Variants in ESYT2 observed in about 807,000 individuals in gnomAD.
The protein encoded by ESYT2 is extended synaptotagmin 2.
Under a neutral mutation model 107.2 loss-of-function variants are expected in ESYT2, and 54 were observed. The observed-to-expected ratio is 0.50, with a 90% CI of 0.40 to 0.63. The LOEUF (loss-of-function observed/expected upper bound fraction) is 0.63. ESYT2 is among the 30% of genes least tolerant of loss of function. The pLI is 0.00. For missense variants in ESYT2, 1,020 were observed against 1,094.5 expected, an observed-to-expected ratio of 0.93 and a Z score of 0.96; for synonymous variants, 491 against 434.1, an observed-to-expected ratio of 1.13 and a Z score of -1.63.
At chr7:158,807,022 A>AAT (rs911143234) in intron 1 of ESYT2, among the ~76,000 whole-genome samples, 6 of 151,370 alleles carry the variant, frequency 4.0e-5, no homozygotes, top group East Asian at 1.9e-4. Flanking sequence ...AGTTTATTCT[A>AAT]ATATATATAT....
chr7:158,808,433 CA>C (rs1486939761), intron 1 of ESYT2, among the ~76,000 whole-genome samples: 4 of 152,174 alleles, frequency 2.6e-5, no homozygotes, highest in East Asian at 1.9e-4. Flanking sequence ...CTTAATGGCC[CA>C]AAACACACCA....
In ESYT2 at chr7:158,746,912, C is replaced by T. The variant is rs1478833650; in HGVS notation, c.1644+1282G>A. 2.0e-5 allele frequency among the ~76,000 whole-genome samples: 3 copies of T among 152,088 alleles called. No homozygotes were observed. The East Asian group carries it at 5.8e-4, about 29-fold the overall frequency. On this transcript the variant is annotated intron_variant, in intron 16 of 22. Transcript: ENST00000275418. ...ACAAAAAATAAAAAAATTAGCCAGG[C>T]ATGGTGGTGTCTGCCTGTAGTCCCA... is the stretch of plus-strand genomic sequence containing the variant.
chr7:158,803,143 T>G (rs113312099), intron 1 of ESYT2, among the ~76,000 whole-genome samples: 1 of 152,240 alleles, frequency 6.6e-6, no homozygotes, highest in Admixed American at 6.5e-5. Flanking sequence ...CCCACCAGCA[T>G]AGGTGGGGGC....
Position 158,752,779 on chromosome 7 carries a change from AC to A in ESYT2, c.1482+1del. ...CTGTGACCTGAAGGGAAAACAGTTT[AC>A]CTTTAAAGCTCTCTGAACTGCAGTC... On this transcript the variant is annotated splice_donor_variant, in intron 14 of 22. Transcript: ENST00000275418. LOFTEE classifies it high-confidence loss of function. The A allele has an allele frequency of 3.8e-6, 5 of 1,301,950 alleles. No individual in the cohort carries two copies. The highest frequency in any genetic ancestry group is 5.1e-6 in the Non-Finnish European group (5 of 987,518). The allele number at this position is 1,301,950 out of a possible 1,614,324, so 80.6% of individuals were successfully genotyped here.
intron 6 of ESYT2, among the ~76,000 whole-genome samples, chr7:158,787,586 G>A (rs1437799300): frequency 6.6e-6 from 1 of 152,198 alleles, no homozygotes; most frequent in African/African-American, 2.4e-5. Flanking sequence ...CTGTATACAG[G>A]CTCTTATTAA....
At chr7:158,738,346 C>T (rs374851842) in intron 19 of ESYT2, among the ~76,000 whole-genome samples, 9,013 of 28,414 alleles carry the variant, frequency 0.32, 494 homozygotes, top group Non-Finnish European at 0.47. Flanking sequence ...CACACACAGA[C>T]ACACACACAC....
At chr7:158,816,578 T>G (rs757618525) in intron 1 of ESYT2, among the ~76,000 whole-genome samples, 3 of 152,150 alleles carry the variant, frequency 2.0e-5, no homozygotes, top group Non-Finnish European at 4.4e-5. Flanking sequence ...GGAACTGATT[T>G]CCAACTGCTG....
chr7:158,739,801 T>C (rs1257151962), intron 18 of ESYT2, among the ~76,000 whole-genome samples: 1 of 151,346 alleles, frequency 6.6e-6, no homozygotes, highest in Non-Finnish European at 1.5e-5. Flanking sequence ...TACCCCCCCC[T>C]TCGCAGTTCA....
intron 7 of ESYT2, among the ~76,000 whole-genome samples, chr7:158,769,307 A>G (rs1838271918): frequency 6.6e-6 from 1 of 152,244 alleles, no homozygotes; most frequent in African/African-American, 2.4e-5. Context: ...GGAGGGCTTC[A>G]GCCAGCAGAC....
intron 1 of ESYT2, among the ~76,000 whole-genome samples, chr7:158,828,793 G>C (rs1056111547): frequency 6.6e-6 from 1 of 151,702 alleles, no homozygotes; most frequent in African/African-American, 2.4e-5. Context: ...CTAGCGGGCA[G>C]GTCGCCAGCA....
chr7:158,748,467 G>T (rs1314442374), intron 15 of ESYT2, among the ~76,000 whole-genome samples, 187 bp from the exon 16 acceptor site: 1 of 152,212 alleles, frequency 6.6e-6, no homozygotes, highest in Admixed American at 6.5e-5. Flanking sequence ...ATGTATTGAT[G>T]GTGGATGTGT....
At chr7:158,828,473 G>C (rs1427344813) in intron 1 of ESYT2, among the ~76,000 whole-genome samples, 2 of 152,224 alleles carry the variant, frequency 1.3e-5, no homozygotes, top group African/African-American at 4.8e-5. Context: ...AAGAGGGGGC[G>C]CCAAGCCCGG....
chr7:158,810,728 T>C (rs887581608), intron 1 of ESYT2, among the ~76,000 whole-genome samples: 2 of 151,830 alleles, frequency 1.3e-5, no homozygotes, highest in African/African-American at 4.8e-5. Flanking sequence ...TGTTATAATA[T>C]TTCATTTACA....
intron 1 of ESYT2, among the ~76,000 whole-genome samples, chr7:158,810,220 T>C (rs1254523395): frequency 6.6e-6 from 1 of 152,198 alleles, no homozygotes; most frequent in African/African-American, 2.4e-5. Flanking sequence ...CAAAAACCTG[T>C]ACATGAATGC....
chr7:158,793,499 AAAT>A (rs1584858955), intron 4 of ESYT2, 148 bp downstream of exon 4: 1 of 659,358 alleles, frequency 1.5e-6, no homozygotes, highest in East Asian at 2.7e-5. Flanking sequence ...CCCAGAAGGT[AAAT>A]AATATTTGGA....
rs370601555 is a variant in ESYT2 at position 158,761,614 on chromosome 7, T to C, written c.1185-70A>G. The C allele has an allele frequency of 9.9e-5, 138 of 1,389,494 alleles. No homozygotes were observed. In the Middle Eastern group the frequency reaches 1.1e-3, roughly 11 times the overall value. The allele number at this position is 1,389,494 out of a possible 1,614,324, so 86.1% of individuals were successfully genotyped here. A position where few individuals can be genotyped will look rare whatever the true frequency, so the allele number is the denominator to read the frequency against. Reference sequence around the variant, plus strand: ...TTCTTACTGAAACAACTTTAAAACATAGAAAACACATTTCTTCCTGAAACA... The same window carrying C: ...TTCTTACTGAAACAACTTTAAAACACAGAAAACACATTTCTTCCTGAAACA... On this transcript the variant is annotated intron_variant, in intron 10 of 22. Transcript: ENST00000275418.
At chr7:158,818,612 C>G (rs184218392) in intron 1 of ESYT2, among the ~76,000 whole-genome samples, 58 of 152,354 alleles carry the variant, frequency 3.8e-4, no homozygotes, top group Admixed American at 3.1e-3. Context: ...GGGCCTGTGA[C>G]TCAGACGGCT....
rs149851834 is a variant in ESYT2, at chr7:158,821,904, C to T, written c.330+7185G>A. 3.0e-3 allele frequency among the ~76,000 whole-genome samples: 454 copies of T among 152,274 alleles called. 3 individuals carry two copies. Among genetic ancestry groups the T allele is most frequent in the African/African-American group, 0.01 (418 of 41,548 alleles). Reference sequence around the variant, plus strand: ...AGTAGAATCTCTTCCCTAGCATGTCCGTAAATTTATAACACGCCCCCTTAG... The same window carrying T: ...AGTAGAATCTCTTCCCTAGCATGTCTGTAAATTTATAACACGCCCCCTTAG... On this transcript the variant is annotated intron_variant, in intron 1 of 22. Coordinates refer to ENST00000275418, the MANE Select transcript of ESYT2 (RefSeq NM_001367773.1).
chr7:158,823,184 A>C (rs1840334558), intron 1 of ESYT2, among the ~76,000 whole-genome samples: 1 of 146,596 alleles, frequency 6.8e-6, no homozygotes, highest in South Asian at 2.3e-4. Flanking sequence ...AGTCCCAGAT[A>C]CTTGGGAGGC....
Sources: allele counts gnomAD v4.1 joint callset (sites outside exome capture counted in the v4.1 genomes callset), GRCh38; gene constraint gnomAD v4.1.1; transcripts MANE v1.5; gene names NCBI Gene and HGNC (gene_info 2026-07-23, HGNC 2026-07-21).